Variants in PCDHA11 observed in about 807,000 individuals in gnomAD.
The protein encoded by PCDHA11 is protocadherin alpha 11.
Under a neutral mutation model 70.3 loss-of-function variants are expected in PCDHA11, and 61 were observed. The ratio of observed to expected loss-of-function variants is 0.87; its 90% CI spans 0.71 to 1.07. PCDHA11 has a LOEUF of 1.07. Ranked by LOEUF, PCDHA11 falls within the 50% of genes least tolerant of loss-of-function variation. The pLI is 0.00. For synonymous variants in PCDHA11, 633 were observed against 555.1 expected (o/e 1.14, Z -1.97); for missense variants, 1,324 against 1,237.5 (o/e 1.07, Z -1.05).
At chr5:140,903,982 T>G (rs782635653) in intron 1 of PCDHA11, among the ~76,000 whole-genome samples, 5 of 152,232 alleles carry the variant, frequency 3.3e-5, no homozygotes, top group African/African-American at 4.8e-5. Flanking sequence ...CTATTCACAA[T>G]GTAACAGCTA....
At chr5:140,875,947 GA>G in intron 1 of PCDHA11, 1 of 1,614,184 alleles carries the variant, frequency 6.2e-7, no homozygotes, top group Non-Finnish European at 8.5e-7. Context: ...GGGCGCTTCT[GA>G]TGCGGATATC....
Position 140,968,070 on chromosome 5 carries a change from A to G in PCDHA11, c.2392-10879A>G, listed in dbSNP as rs377189542. On this transcript the variant is annotated intron_variant, in intron 1 of 3. Transcript: ENST00000398640. The stretch of plus-strand genomic sequence containing the variant: ...CTGGACCGAGAGCGGGTGGCTGTCT[A>G]CAACATCACGGTGACAGCCACAGAT... 3.5e-5 allele frequency: 57 copies of G among 1,614,034 alleles called. No homozygotes were observed. The highest frequency in any genetic ancestry group is 1.6e-4 in the Middle Eastern group (1 of 6,082).
intron 1 of PCDHA11, among the ~76,000 whole-genome samples, chr5:140,955,453 C>T (rs1372474602): frequency 6.6e-6 from 1 of 152,012 alleles, no homozygotes; most frequent in Admixed American, 6.6e-5. Context: ...TTTATAAGGG[C>T]TTTTTCCTTT....
intron 1 of PCDHA11, among the ~76,000 whole-genome samples, chr5:140,912,933 C>T (rs1433213824): frequency 6.6e-6 from 1 of 152,070 alleles, no homozygotes; most frequent in African/African-American, 2.4e-5. Context: ...TTGAATCATC[C>T]TTGTATCCCT....
Position 140,870,144 on chromosome 5 carries a change from T to C in PCDHA11, c.1041T>C (p.Pro347=), listed in dbSNP as rs782683134. The C allele has an allele frequency of 1.9e-6, 3 of 1,614,058 alleles. No homozygotes were observed. Among genetic ancestry groups the C allele is most frequent in the Admixed American group, 1.7e-5 (1 of 60,024 alleles). The change falls in exon 1 of 4, where the codon CCT becomes CCC. Residue 347 remains proline (P), a synonymous_variant. Coordinates refer to ENST00000398640, the MANE Select transcript of PCDHA11 (RefSeq NM_018902.5). ...VEILDTNDNS[P]EVAVTSLSLP... ...TCTTGGACACCAACGATAACTCTCC[T>C]GAAGTCGCCGTGACTTCCTTGTCCC...
intron 1 of PCDHA11, chr5:140,875,418 G>A: frequency 6.6e-7 from 1 of 1,515,104 alleles, no homozygotes; most frequent in Non-Finnish European, 8.8e-7. Flanking sequence ...AAATACCTCA[G>A]GCAAGCGATC....
chr5:140,948,763 C>T (rs1195337502), intron 1 of PCDHA11, among the ~76,000 whole-genome samples: 4 of 151,102 alleles, frequency 2.6e-5, no homozygotes, highest in Non-Finnish European at 4.4e-5. Flanking sequence ...TGATTTTTTT[C>T]GAATAGCCAG....
intron 1 of PCDHA11, among the ~76,000 whole-genome samples, chr5:140,950,569 T>C (rs969438550): frequency 1.3e-5 from 2 of 152,120 alleles, no homozygotes; most frequent in African/African-American, 2.4e-5. Context: ...TATTTTAAGG[T>C]TTTCTACTTA....
intron 1 of PCDHA11, chr5:140,929,177 T>G: frequency 6.2e-7 from 1 of 1,614,172 alleles, no homozygotes; most frequent in Non-Finnish European, 8.5e-7. Flanking sequence ...TCTCTGGGAC[T>G]TGGTTCTGAT....
In PCDHA11 at chr5:140,927,497, T is replaced by G. The variant is rs199998669; in HGVS notation, c.2392-51452T>G. ...GAACAGCGCGCCACCCACCTGCTGGTGCTTACAGCTCGGGACGGCGGGCTA... is the reference window on the plus strand; with the variant it reads ...GAACAGCGCGCCACCCACCTGCTGGGGCTTACAGCTCGGGACGGCGGGCTA... On this transcript the variant is annotated intron_variant, in intron 1 of 3. Coordinates refer to ENST00000398640, the MANE Select transcript of PCDHA11 (RefSeq NM_018902.5). The G allele has an allele frequency of 2.0e-4, 325 of 1,614,094 alleles. No homozygotes were observed. The highest frequency in any genetic ancestry group is 2.6e-4 in the Non-Finnish European group (305 of 1,180,030).
chr5:140,931,209 A>C (rs1554208285), intron 1 of PCDHA11, among the ~76,000 whole-genome samples: 1 of 152,184 alleles, frequency 6.6e-6, no homozygotes, highest in African/African-American at 2.4e-5. Context: ...CTAGTATTTC[A>C]GGTATCAGAG....
At chr5:140,913,414 C>T (rs1451385869) in intron 1 of PCDHA11, among the ~76,000 whole-genome samples, 3 of 152,102 alleles carry the variant, frequency 2.0e-5, no homozygotes, top group African/African-American at 7.2e-5. Context: ...TGAATTCCTG[C>T]AGTATCAGTT....
In PCDHA11 at chr5:140,876,415, G is replaced by C. The variant is rs782679956; in HGVS notation, c.2391+4921G>C. 3 of 1,613,842 alleles carry C rather than the reference G, an allele frequency of 1.9e-6. No individual in the cohort carries two copies. The African/African-American group carries it at 4.0e-5, about 22-fold the overall frequency. On this transcript the variant is annotated intron_variant, in intron 1 of 3. Transcript: ENST00000398640. ...TGAACTGGATTTTGAAGAGAATAATGCCTATGAAATTCAGGTTAACGCCAT... is the reference window on the plus strand; with the variant it reads ...TGAACTGGATTTTGAAGAGAATAATCCCTATGAAATTCAGGTTAACGCCAT...
intron 3 of PCDHA11, among the ~76,000 whole-genome samples, chr5:140,996,315 G>A (rs2097722113): frequency 6.6e-6 from 1 of 152,188 alleles, no homozygotes; most frequent in African/African-American, 2.4e-5. Flanking sequence ...AGTAAGGGGG[G>A]AGGGTAGAGA....
At chr5:140,951,247 A>G (rs185452142) in intron 1 of PCDHA11, among the ~76,000 whole-genome samples, 1 of 152,230 alleles carries the variant, frequency 6.6e-6, no homozygotes, top group Non-Finnish European at 1.5e-5. Context: ...TTAGGAATGC[A>G]TCACATTTTT....
At chr5:140,911,709 G>A (rs1029382331) in intron 1 of PCDHA11, among the ~76,000 whole-genome samples, 1 of 151,822 alleles carries the variant, frequency 6.6e-6, no homozygotes, top group Non-Finnish European at 1.5e-5. Context: ...AATTTATTTT[G>A]TGTAACTCTG....
In PCDHA11 at chr5:140,869,430, C is replaced by G. The variant is rs73793507; in HGVS notation, c.327C>G (p.Ile109Met). Residue 109 changes from isoleucine (I) to methionine (M), a missense_variant, in exon 1 of 4, where the codon ATC becomes ATG. By Grantham distance (10) the Ile-to-Met change is conservative (BLOSUM62 1). Transcript: ENST00000398640. The stretch of plus-strand genomic sequence containing the variant: ...AGTGCAGCATCCACCTGGAGGTGAT[C>G]GTGGACAGGCCGCTGCAGGTTTTCC... ...SAECSIHLEV[I>M]VDRPLQVFHV... 6.2e-7 allele frequency: 1 copy of G among 1,614,036 alleles called. No individual in the cohort carries two copies. The highest frequency in any genetic ancestry group is 1.3e-5 in the African/African-American group (1 of 74,930).
At chr5:140,917,037 GCA>G (rs2077840325) in intron 1 of PCDHA11, among the ~76,000 whole-genome samples, 1 of 152,268 alleles carries the variant, frequency 6.6e-6, no homozygotes, top group African/African-American at 2.4e-5. Context: ...GCTGAGTCCA[GCA>G]CAGTGTTGTT....
chr5:140,991,075 G>A (rs2097430816), intron 3 of PCDHA11, among the ~76,000 whole-genome samples: 1 of 152,134 alleles, frequency 6.6e-6, no homozygotes, highest in Non-Finnish European at 1.5e-5. Flanking sequence ...CCATGTTTCA[G>A]ATAAAAAAAT....
Sources: allele counts gnomAD v4.1 joint callset (sites outside exome capture counted in the v4.1 genomes callset), GRCh38; gene constraint gnomAD v4.1.1; transcripts MANE v1.5; gene names NCBI Gene and HGNC (gene_info 2026-07-23, HGNC 2026-07-21).